Variants in GRK5 observed in about 807,000 individuals in gnomAD.
The protein encoded by GRK5 is g protein-coupled receptor kinase GRK5.
A neutral mutation model predicts 78.4 loss-of-function variants in GRK5; 40 were observed. The observed-to-expected ratio is 0.51, with a 90% CI of 0.40 to 0.66. The LOEUF (loss-of-function observed/expected upper bound fraction) is 0.66. Ranked by LOEUF, GRK5 falls within the 30% of genes least tolerant of loss-of-function variation. The pLI is 0.00. For synonymous variants in GRK5, 289 were observed against 296.8 expected, an observed-to-expected ratio of 0.97 and a Z score of 0.27; for missense variants, 598 against 759.9, an observed-to-expected ratio of 0.79 and a Z score of 2.50.
chr10:119,327,242 A>G (rs1221381558), intron 2 of GRK5, among the ~76,000 whole-genome samples: 3 of 152,198 alleles, frequency 2.0e-5, no homozygotes, highest in Non-Finnish European at 4.4e-5. Flanking sequence ...AAGAGCAGCC[A>G]ACCAAGTGGG....
At position 119,452,723 on chromosome 10, in the gene GRK5, T is replaced by C; in HGVS notation, c.1457T>C (p.Val486Ala). Residue 486 changes from valine (V) to alanine (A), a missense_variant, in exon 14 of 16, where the codon GTG becomes GCG. Transcript: ENST00000392870. The surrounding 1 kb of genome is among the most constrained non-coding windows in gnomAD (Gnocchi z 4.4). ...CTGGACATCGAGCAGTTCTCCACTG[T>C]GAAGGGCGTCAATCTGGACCACACA... ...DVLDIEQFST[V>A]KGVNLDHTDD... is the part of the protein sequence containing the mutation. 7 of 1,614,086 alleles carry C rather than the reference T, an allele frequency of 4.3e-6. No individual in the cohort carries two copies. Among genetic ancestry groups the C allele is most frequent in the Non-Finnish European group, 5.9e-6 (7 of 1,180,016 alleles).
intron 4 of GRK5, among the ~76,000 whole-genome samples, chr10:119,418,245 G>A (rs1852502595): frequency 6.6e-6 from 1 of 152,212 alleles, no homozygotes; most frequent in Non-Finnish European, 1.5e-5. Context: ...AGAAGAACCA[G>A]CTCACAGAGC....
At chr10:119,408,163 C>CAAAAAAAA (rs34029208) in intron 4 of GRK5, among the ~76,000 whole-genome samples, 1 of 73,952 alleles carries the variant, frequency 1.4e-5, no homozygotes, top group Non-Finnish European at 2.6e-5. Context: ...AACTCCATCT[C>CAAAAAAAA]AAAAAAAAAA....
intron 1 of GRK5, among the ~76,000 whole-genome samples, chr10:119,262,467 T>G (rs1005536931): frequency 6.7e-6 from 1 of 150,332 alleles, no homozygotes; most frequent in Non-Finnish European, 1.5e-5. Context: ...GCCCCCCGAG[T>G]AGCTGGGACT....
At chr10:119,389,733 C>A (rs1260754069) in intron 3 of GRK5, among the ~76,000 whole-genome samples, 1 of 151,994 alleles carries the variant, frequency 6.6e-6, no homozygotes, top group Non-Finnish European at 1.5e-5. Context: ...ACATAAAAAC[C>A]CTGGGAACTG....
chr10:119,402,304 C>T (rs762752925), intron 4 of GRK5, among the ~76,000 whole-genome samples: 12 of 152,062 alleles, frequency 7.9e-5, no homozygotes, highest in Non-Finnish European at 1.8e-4. Flanking sequence ...GGGATTGTCT[C>T]GGGTTTGTCA....
chr10:119,220,556 G>A (rs1016670699), intron 1 of GRK5, among the ~76,000 whole-genome samples: 2 of 152,060 alleles, frequency 1.3e-5, no homozygotes, highest in African/African-American at 4.8e-5. Context: ...TTTCAGAGGC[G>A]AGGCATGGTG....
At chr10:119,298,498 G>C (rs1298055194) in intron 1 of GRK5, among the ~76,000 whole-genome samples, 3 of 152,300 alleles carry the variant, frequency 2.0e-5, no homozygotes, top group African/African-American at 7.2e-5. Context: ...GACTCTGCCA[G>C]GGTGTTCTCG....
At chr10:119,423,958 G>T (rs1374174434) in intron 5 of GRK5, among the ~76,000 whole-genome samples, 3 of 152,182 alleles carry the variant, frequency 2.0e-5, no homozygotes, top group African/African-American at 4.8e-5. Context: ...ACTGTGCTGG[G>T]TGCTGGGGGA....
chr10:119,403,209 C>A (rs1399559425), intron 4 of GRK5, among the ~76,000 whole-genome samples: 1 of 152,224 alleles, frequency 6.6e-6, no homozygotes, highest in Non-Finnish European at 1.5e-5. Context: ...CTCTGTCCCC[C>A]AGGCTGGAGT....
intron 3 of GRK5, among the ~76,000 whole-genome samples, chr10:119,392,981 G>A (rs1352672217): frequency 6.6e-6 from 1 of 152,248 alleles, no homozygotes. Context: ...CTGGGCAAGG[G>A]TGTTCTCAGG....
rs991620398 is a variant in GRK5 at position 119,315,939 on chromosome 10, A to G, written c.53-10577A>G. Among the ~76,000 whole-genome samples the G allele has an allele frequency of 9.2e-5, 14 of 152,334 alleles. No individual in the cohort carries two copies. In the East Asian group the frequency reaches 1.3e-3, roughly 15 times the overall value. ...ATGACATAGTTTGGGTTTCTAACAA[A>G]TGTGGTCCCCTGCATTAGCATAATG... is the stretch of plus-strand genomic sequence containing the variant. On this transcript the variant is annotated intron_variant, in intron 1 of 15. Coordinates refer to ENST00000392870, the MANE Select transcript of GRK5 (RefSeq NM_005308.3).
At chr10:119,291,585 T>TTCCTCCTCCTCCTCC (rs1379567860) in intron 1 of GRK5, among the ~76,000 whole-genome samples, 2 of 72,496 alleles carry the variant, frequency 2.8e-5, no homozygotes, top group Non-Finnish European at 2.9e-5. Context: ...CCTCCTCCTC[T>TTCCTCCTCCTCCTCC]TCCTCCTCCT....
chr10:119,244,420 G>T (rs145534204), intron 1 of GRK5, among the ~76,000 whole-genome samples: 1 of 152,286 alleles, frequency 6.6e-6, no homozygotes, highest in Non-Finnish European at 1.5e-5. Flanking sequence ...TAAAAAATGA[G>T]CAAAGGAATT....
intron 8 of GRK5, among the ~76,000 whole-genome samples, chr10:119,432,798 C>CGGT (rs1852844857): frequency 6.6e-6 from 1 of 152,188 alleles, no homozygotes; most frequent in Admixed American, 6.5e-5. Flanking sequence ...GGGCCGGGCA[C>CGGT]GGTGGCTCAC....
At position 119,336,321 on chromosome 10, in the gene GRK5, C is replaced by T. The variant is rs1342245705; in HGVS notation, c.148+9710C>T. On this transcript the variant is annotated intron_variant, in intron 2 of 15. Transcript: ENST00000392870. This position sits in a 1 kb window ranked among gnomAD's most constrained non-coding sequence, Gnocchi z 4.5. ...ACTCTGCCCAGGCCCCTGCTCTGGC[C>T]CAGTGTGTTTCCTTGAAAGGACGTG... The T allele has an allele frequency of 6.6e-6, 1 of 152,204 alleles. No individual in the cohort carries two copies. The highest frequency in any genetic ancestry group is 1.5e-5 in the Non-Finnish European group (1 of 68,066). 9.4% of individuals were successfully genotyped at this position (152,204 alleles called of 1,614,324 possible). A position where few individuals can be genotyped will look rare whatever the true frequency, so the allele number is the denominator to read the frequency against.
chr10:119,218,256 C>T (rs2133705146), intron 1 of GRK5, among the ~76,000 whole-genome samples: 1 of 152,160 alleles, frequency 6.6e-6, no homozygotes, highest in African/African-American at 2.4e-5. Flanking sequence ...GTACAGGAAG[C>T]CATGCTTTTG....
chr10:119,327,253 T>A (rs1850695082), intron 2 of GRK5, among the ~76,000 whole-genome samples: 1 of 152,066 alleles, frequency 6.6e-6, no homozygotes, highest in South Asian at 2.1e-4. Context: ...ACCAAGTGGG[T>A]CTGTGCCTGG....
chr10:119,249,212 A>G (rs1217655184), intron 1 of GRK5, among the ~76,000 whole-genome samples: 1 of 150,216 alleles, frequency 6.7e-6, no homozygotes, highest in African/African-American at 2.4e-5. Context: ...CGGAGGTTGC[A>G]GTGAGCCGAG....
Sources: allele counts gnomAD v4.1 joint callset (sites outside exome capture counted in the v4.1 genomes callset), GRCh38; gene constraint gnomAD v4.1.1; non-coding constraint Gnocchi (gnomAD v3.1); transcripts MANE v1.5; gene names NCBI Gene and HGNC (gene_info 2026-07-23, HGNC 2026-07-21).